Variants in R3HDM2 observed in about 807,000 individuals in gnomAD.
The protein encoded by R3HDM2 is R3H domain-containing protein 2.
Under a neutral mutation model 124.5 loss-of-function variants are expected in R3HDM2, and 38 were observed. That is an observed-to-expected ratio of 0.31 (90% confidence interval 0.24 to 0.40). R3HDM2 has a LOEUF of 0.40. Among genes scored for constraint, R3HDM2 ranks in the 10% least tolerant of loss-of-function variants. The pLI, the probability that R3HDM2 is intolerant of heterozygous loss-of-function variation, is 1.00. For missense variants in R3HDM2, 869 were observed against 1,236.9 expected, an observed-to-expected ratio of 0.70 and a Z score of 4.46; for synonymous variants, 391 against 448.0, an observed-to-expected ratio of 0.87 and a Z score of 1.61.
chr12:57,414,349 G>A (rs1314078257), intron 1 of R3HDM2, among the ~76,000 whole-genome samples: 1 of 149,050 alleles, frequency 6.7e-6, no homozygotes. Flanking sequence ...AGTCTAGCTG[G>A]GCATGGTGAT....
chr12:57,418,441 CTT>C (rs779331604), intron 1 of R3HDM2: 508 of 546,318 alleles, frequency 9.3e-4, no homozygotes, highest in Non-Finnish European at 1.1e-3. Flanking sequence ...AACTAAAAGT[CTT>C]TAGCCTATCT....
intron 1 of R3HDM2, among the ~76,000 whole-genome samples, chr12:57,414,414 C>G (rs1281465827): frequency 6.8e-6 from 1 of 146,058 alleles, no homozygotes; most frequent in African/African-American, 2.5e-5. Context: ...CTGCTTGAAC[C>G]TGGGAGGCAA....
At chr12:57,294,623 T>A (rs1255576527) in intron 10 of R3HDM2, among the ~76,000 whole-genome samples, 1 of 152,174 alleles carries the variant, frequency 6.6e-6, no homozygotes, top group East Asian at 1.9e-4. Context: ...TAGGCTCTAC[T>A]CAACCACGCT....
In R3HDM2 at chr12:57,281,705, C is replaced by T. The variant is rs1002447177; in HGVS notation, c.1172-1175G>A. On this transcript the variant is annotated intron_variant, in intron 13 of 23. Coordinates refer to ENST00000402412, the MANE Select transcript of R3HDM2 (RefSeq NM_001394031.1). Reference sequence around the variant, plus strand: ...TTTGCCTTGTTGGCCAGGCTGGTTTCGAACTCCTGGCCTCAAGTGATCTGC... The same window carrying T: ...TTTGCCTTGTTGGCCAGGCTGGTTTTGAACTCCTGGCCTCAAGTGATCTGC... Among the ~76,000 whole-genome samples, 5 of 151,934 alleles carry T rather than the reference C, an allele frequency of 3.3e-5. No individual in the cohort carries two copies. In the South Asian group the frequency reaches 6.2e-4, roughly 19 times the overall value.
intron 3 of R3HDM2, among the ~76,000 whole-genome samples, chr12:57,304,316 A>T (rs1368351733): frequency 6.6e-6 from 1 of 152,188 alleles, no homozygotes; most frequent in Non-Finnish European, 1.5e-5. Context: ...ACATCTGAGA[A>T]GTCAAAATGG....
intron 2 of R3HDM2, among the ~76,000 whole-genome samples, chr12:57,389,628 G>A (rs1448139257): frequency 6.6e-6 from 1 of 152,188 alleles, no homozygotes; most frequent in Non-Finnish European, 1.5e-5. Flanking sequence ...AAAGCTCAGA[G>A]AGAATTACCT....
In R3HDM2 at chr12:57,413,588, T is replaced by C. The variant is rs187436278; in HGVS notation, c.-106+17132A>G. On this transcript the variant is annotated intron_variant, in intron 1 of 23. Coordinates refer to ENST00000402412, the MANE Select transcript of R3HDM2 (RefSeq NM_001394031.1). ...CCTTCTGTACTAAAAATACAAAAATTAGCCAGGCATGGTGGCGGGCACCTG... is the reference window on the plus strand; with the variant it reads ...CCTTCTGTACTAAAAATACAAAAATCAGCCAGGCATGGTGGCGGGCACCTG... Among the ~76,000 whole-genome samples, 6 of 151,512 alleles carry C rather than the reference T, an allele frequency of 4.0e-5. No individual in the cohort carries two copies. In the East Asian group the frequency reaches 1.2e-3, roughly 30 times the overall value.
At chr12:57,425,543 T>A (rs2070656539) in intron 1 of R3HDM2, among the ~76,000 whole-genome samples, 1 of 152,100 alleles carries the variant, frequency 6.6e-6, no homozygotes, top group Non-Finnish European at 1.5e-5. Context: ...CTCACAACTG[T>A]AATCCCAGCA....
At position 57,254,758 on chromosome 12, in the gene R3HDM2, T is replaced by C. The variant is rs775435125; in HGVS notation, c.*15A>G. The C allele has an allele frequency of 8.6e-6, 13 of 1,505,566 alleles. No homozygotes were observed. The highest frequency in any genetic ancestry group is 1.1e-5 in the Non-Finnish European group (12 of 1,101,650). The allele number at this position is 1,505,566 out of a possible 1,614,324, so 93.3% of individuals were successfully genotyped here. ...CCCTTGCTCCTTCTGTGACAGTCCC[T>C]TTCCCCTCCTCCATTTATTGGGAGC... On this transcript the variant is annotated 3_prime_UTR_variant, in exon 24 of 24. Coordinates refer to ENST00000402412, the MANE Select transcript of R3HDM2 (RefSeq NM_001394031.1).
At chr12:57,281,250 A>T (rs556758952) in intron 13 of R3HDM2, among the ~76,000 whole-genome samples, 29 of 147,820 alleles carry the variant, frequency 2.0e-4, no homozygotes, top group African/African-American at 7.0e-4. Flanking sequence ...TCGCGCCATG[A>T]CACTCCAGCC....
chr12:57,385,303 C>G (rs370865078), intron 2 of R3HDM2, among the ~76,000 whole-genome samples: 10 of 146,636 alleles, frequency 6.8e-5, no homozygotes, highest in Non-Finnish European at 1.5e-4. Flanking sequence ...AGTGCAATGG[C>G]GCAATCTGGC....
chr12:57,356,955 A>T (rs925843589), intron 2 of R3HDM2, among the ~76,000 whole-genome samples: 1 of 151,724 alleles, frequency 6.6e-6, no homozygotes, highest in Non-Finnish European at 1.5e-5. Context: ...AAAACACAAA[A>T]ATTAGACAGG....
At chr12:57,308,600 C>T (rs1410440788) in intron 3 of R3HDM2, among the ~76,000 whole-genome samples, 4 of 151,912 alleles carry the variant, frequency 2.6e-5, no homozygotes, top group African/African-American at 7.2e-5. Flanking sequence ...GCAGGAGAAT[C>T]GCTTGAACCC....
At chr12:57,362,409 A>G (rs2062063840) in intron 2 of R3HDM2, among the ~76,000 whole-genome samples, 2 of 152,252 alleles carry the variant, frequency 1.3e-5, no homozygotes, top group South Asian at 4.1e-4. Context: ...ATGGTATACA[A>G]TACATATACA....
intron 2 of R3HDM2, among the ~76,000 whole-genome samples, chr12:57,343,208 G>A (rs1352016384): frequency 4.4e-5 from 2 of 45,302 alleles, no homozygotes; most frequent in African/African-American, 1.7e-4. Context: ...TTTTTTTTTT[G>A]AGACGGAGTT....
At chr12:57,381,651 A>G (rs1418141950) in intron 2 of R3HDM2, among the ~76,000 whole-genome samples, 1 of 152,142 alleles carries the variant, frequency 6.6e-6, no homozygotes, top group Non-Finnish European at 1.5e-5. Context: ...ATTAAACAAT[A>G]TAACTTACTG....
intron 2 of R3HDM2, among the ~76,000 whole-genome samples, chr12:57,326,726 A>G (rs1258238654): frequency 2.6e-5 from 4 of 152,258 alleles, no homozygotes; most frequent in African/African-American, 9.6e-5. Flanking sequence ...GTCATCTTTC[A>G]TAGCTAGAGA....
rs547044761 is a variant in R3HDM2, at chr12:57,365,730, G to A, written c.-36+30019C>T. Among the ~76,000 whole-genome samples, 4 of 152,172 alleles carry A rather than the reference G, an allele frequency of 2.6e-5. No individual in the cohort carries two copies. In the East Asian group the frequency reaches 7.7e-4, roughly 29 times the overall value. On this transcript the variant is annotated intron_variant, in intron 2 of 23. Coordinates refer to ENST00000402412, the MANE Select transcript of R3HDM2 (RefSeq NM_001394031.1). ...GCAGATGGATCACCTAAAGTCAGGG[G>A]CTCGAGACCAGCCTGGCCAACATGG... is the stretch of plus-strand genomic sequence containing the variant.
chr12:57,395,517 T>A (rs1480302859), intron 2 of R3HDM2, among the ~76,000 whole-genome samples: 2 of 149,848 alleles, frequency 1.3e-5, no homozygotes, highest in Admixed American at 6.7e-5. Context: ...AAAAAAAAGG[T>A]GATCTGCCCA....
Sources: gnomAD v4.1 joint callset for allele counts (sites outside exome capture counted in the v4.1 genomes callset) on GRCh38, gnomAD v4.1.1 for gene constraint, MANE v1.5 for transcripts, NCBI Gene and HGNC (gene_info 2026-07-23, HGNC 2026-07-21) for gene names.